The following ADRA2A variants were observed in gnomAD, a reference collection of about 807,000 sequenced individuals.
ADRA2A encodes the protein adrenoceptor alpha 2A.
In ADRA2A, 6 loss-of-function variants were observed where a neutral mutation model predicts 5.9. The ratio of observed to expected loss-of-function variants is 1.01; its 90% confidence interval spans 0.55 to 2.00. The LOEUF is 2.00. Among genes scored for constraint, ADRA2A ranks in the 30% most tolerant of loss-of-function variants. The pLI is 0.00. For missense variants in ADRA2A, 647 were observed against 690.0 expected, an observed-to-expected ratio of 0.94 and a Z score of 0.70; for synonymous variants, 345 against 325.9, an observed-to-expected ratio of 1.06 and a Z score of -0.63.
rs1390360815 is a variant in ADRA2A, at chr10:111,079,250, G to C, written c.1254G>C (p.Val418=). The C allele has an allele frequency of 6.2e-7, 1 of 1,614,142 alleles. No individual in the cohort carries two copies. Among genetic ancestry groups the C allele is most frequent in the Admixed American group, 1.7e-5 (1 of 60,032 alleles). Residue 418 remains valine, a synonymous_variant, in exon 1 of 1, where the codon GTG becomes GTC. Transcript: ENST00000280155. ...TYTLTAVGCS[V]PRTLFKFFFW... ...CGCTCACGGCCGTCGGGTGCTCCGT[G>C]CCACGCACGCTCTTCAAATTCTTCT...
chr10:111,080,408 CT>C lies in ADRA2A; in HGVS notation c.*1018del, dbSNP rs1589532712. The C allele has an allele frequency of 6.0e-6, 1 of 166,826 alleles. No homozygotes were observed. Among genetic ancestry groups the C allele is most frequent in the African/African-American group, 2.4e-5 (1 of 41,368 alleles). The allele number at this position is 166,826 out of a possible 1,614,324, so 10.3% of individuals were successfully genotyped here. A position where few individuals can be genotyped will look rare whatever the true frequency, so the allele number is the denominator to read the frequency against. On this transcript the variant is annotated 3_prime_UTR_variant, in exon 1 of 1. Coordinates refer to ENST00000280155, the MANE Select transcript of ADRA2A (RefSeq NM_000681.4). ...CCGAAAGTGCTGACTATGGGGAAAT[CT>C]TTTAGCTGCTGTTTTTAGACTCCAA... is the stretch of plus-strand genomic sequence containing the variant.
In ADRA2A at chr10:111,079,648, C is replaced by T; in HGVS notation, c.*254C>T. 1.7e-6 allele frequency: 1 copy of T among 596,916 alleles called. No homozygotes were observed. The allele number at this position is 596,916 out of a possible 1,614,324, so 37.0% of individuals were successfully genotyped here. On this transcript the variant is annotated 3_prime_UTR_variant, in exon 1 of 1. Transcript: ENST00000280155. ...GGAGCCATCTTCCTAGTGGGCCACC[C>T]CTAATCACTATTGCTTCCTAAAGGT...
chr10:111,079,517 G>A lies in ADRA2A; in HGVS notation c.*123G>A. ...CCTGCTCTGCGTTTCCTCGTCTGGG[G>A]TGGCTCTGCAGCCTCCTGCGGGCGG... is the stretch of plus-strand genomic sequence containing the variant. On this transcript the variant is annotated 3_prime_UTR_variant, in exon 1 of 1. Coordinates refer to ENST00000280155, the MANE Select transcript of ADRA2A (RefSeq NM_000681.4). 1.8e-6 allele frequency: 2 copies of A among 1,135,676 alleles called. No individual in the cohort carries two copies. The highest frequency in any genetic ancestry group is 2.5e-6 in the Non-Finnish European group (2 of 787,368). 70.3% of individuals were successfully genotyped at this position (1,135,676 alleles called of 1,614,324 possible). A position where few individuals can be genotyped will look rare whatever the true frequency, so the allele number is the denominator to read the frequency against.
In ADRA2A at chr10:111,078,674, C is replaced by A; in HGVS notation, c.678C>A (p.Ile226=). Residue 226 remains isoleucine (I), a synonymous_variant, in exon 1 of 1, where the codon ATC becomes ATA. Coordinates refer to ENST00000280155, the MANE Select transcript of ADRA2A (RefSeq NM_000681.4). Reference sequence around the variant, plus strand: ...GCTCCTTCTTCGCTCCCTGCCTCATCATGATCCTGGTCTACGTGCGCATCT... The same window carrying A: ...GCTCCTTCTTCGCTCCCTGCCTCATAATGATCCTGGTCTACGTGCGCATCT... ...CIGSFFAPCL[I]MILVYVRIYQ... The A allele has an allele frequency of 6.3e-6, 10 of 1,582,580 alleles. No homozygotes were observed. Among genetic ancestry groups the A allele is most frequent in the Non-Finnish European group, 7.7e-6 (9 of 1,163,370 alleles).
At position 111,077,399 on chromosome 10, in the gene ADRA2A, G is replaced by GC. The variant is rs1269699039; in HGVS notation, c.-594dup. On this transcript the variant is annotated 5_prime_UTR_variant, in exon 1 of 1. It removes the in-frame stop codon of an upstream open reading frame in the 5' UTR. Coordinates refer to ENST00000280155, the MANE Select transcript of ADRA2A (RefSeq NM_000681.4). ...CGCTCCGAGAGGCGGCAGAGTCCGC[G>GC]CCCCAGCCCCGGGCCGGGCCGGGCC... 6.6e-6 allele frequency: 1 copy of GC among 152,264 alleles called. No individual in the cohort carries two copies. Among genetic ancestry groups the GC allele is most frequent in the Non-Finnish European group, 1.5e-5 (1 of 68,132 alleles). 9.4% of individuals were successfully genotyped at this position (152,264 alleles called of 1,614,324 possible). A position where few individuals can be genotyped will look rare whatever the true frequency, so the allele number is the denominator to read the frequency against.
In ADRA2A at chr10:111,080,827, C is replaced by T. The variant is rs553360485; in HGVS notation, c.*1433C>T. ...ATGGAGTGGTCCTCTTGTCTGTTAT[C>T]TGAGTTTTCAAAAGCTTTAAGACTC... On this transcript the variant is annotated 3_prime_UTR_variant, in exon 1 of 1. Coordinates refer to ENST00000280155, the MANE Select transcript of ADRA2A (RefSeq NM_000681.4). 1 of 166,792 alleles carries T rather than the reference C, an allele frequency of 6.0e-6. No individual in the cohort carries two copies. Among genetic ancestry groups the T allele is most frequent in the Non-Finnish European group, 1.5e-5 (1 of 68,080 alleles). The allele number at this position is 166,792 out of a possible 1,614,324, so 10.3% of individuals were successfully genotyped here.
Position 111,079,211 on chromosome 10 carries a change from C to A in ADRA2A, c.1215C>A (p.Phe405Leu). 1.2e-6 allele frequency: 2 copies of A among 1,614,138 alleles called. No individual in the cohort carries two copies. The highest frequency in any genetic ancestry group is 1.7e-6 in the Non-Finnish European group (2 of 1,180,014). ...TGTTCGTGGTGTGCTGGTTCCCCTT[C>A]TTCTTCACCTACACGCTCACGGCCG... ...IGVFVVCWFPFFFTYTLTAVG... is the reference protein window; with the variant it reads ...IGVFVVCWFPLFFTYTLTAVG... Residue 405 changes from phenylalanine (F) to leucine (L), a missense_variant, in exon 1 of 1, where the codon TTC becomes TTA. This residue lies in a region of ADRA2A where 577 missense variants were observed against 605.4 expected (regional missense o/e 0.95). Transcript: ENST00000280155.
chr10:111,079,317 T>C lies in ADRA2A; in HGVS notation c.1321T>C (p.Tyr441His). The change falls in exon 1 of 1, where the codon TAC (tyrosine) becomes CAC (histidine). Residue 441 changes from tyrosine to histidine, a missense_variant. Physicochemically the swap from Tyr to His is moderately conservative, Grantham distance 83. This residue lies in a region of ADRA2A where 62 missense variants were observed against 59.8 expected (regional missense o/e 1.04). Coordinates refer to ENST00000280155, the MANE Select transcript of ADRA2A (RefSeq NM_000681.4). Reference protein sequence around the residue: ...YCNSSLNPVIYTIFNHDFRRA... With the variant: ...YCNSSLNPVIHTIFNHDFRRA... ...CAACAGCTCGTTGAACCCGGTCATC[T>C]ACACCATCTTCAACCACGATTTCCG... 1 of 1,614,112 alleles carries C rather than the reference T, an allele frequency of 6.2e-7. No individual in the cohort carries two copies. Among genetic ancestry groups the C allele is most frequent in the Non-Finnish European group, 8.5e-7 (1 of 1,180,034 alleles).
At position 111,079,289 on chromosome 10, in the gene ADRA2A, C is replaced by T. The variant is rs143027701; in HGVS notation, c.1293C>T (p.Tyr431=). The change falls in exon 1 of 1, where the codon TAC becomes TAT. Residue 431 remains tyrosine, a synonymous_variant. Coordinates refer to ENST00000280155, the MANE Select transcript of ADRA2A (RefSeq NM_000681.4). ...TCAAATTCTTCTTCTGGTTCGGCTA[C>T]TGCAACAGCTCGTTGAACCCGGTCA... ...TLFKFFFWFG[Y]CNSSLNPVIY... The T allele has an allele frequency of 2.9e-5, 46 of 1,613,966 alleles. 1 individual carries two copies. The African/African-American group carries it at 3.6e-4, about 13-fold the overall frequency.
At position 111,078,266 on chromosome 10, in the gene ADRA2A, G is replaced by C. The variant is rs1255741029; in HGVS notation, c.270G>C (p.Leu90=). 6.2e-7 allele frequency: 1 copy of C among 1,613,740 alleles called. No homozygotes were observed. Among genetic ancestry groups the C allele is most frequent in the Non-Finnish European group, 8.5e-7 (1 of 1,179,998 alleles). Residue 90 remains leucine, a synonymous_variant, in exon 1 of 1, where the codon CTG becomes CTC. Coordinates refer to ENST00000280155, the MANE Select transcript of ADRA2A (RefSeq NM_000681.4). ...CCCAAAACCTCTTCCTGGTGTCTCT[G>C]GCCTCGGCCGACATCCTGGTGGCCA... The part of the protein sequence containing the change: ...KAPQNLFLVS[L]ASADILVATL...
At position 111,078,098 on chromosome 10, in the gene ADRA2A, G is replaced by C; in HGVS notation, c.102G>C (p.Pro34=). The stretch of plus-strand genomic sequence containing the variant: ...CGAGCTGGAACGGGACCGAGGCGCC[G>C]GGGGGCGGCGCCCGGGCCACCCCTT... The part of the protein sequence containing the change: ...GNASWNGTEA[P]GGGARATPYS... The change falls in exon 1 of 1, where the codon CCG becomes CCC. Residue 34 remains proline (P), a synonymous_variant. Transcript: ENST00000280155. 2 of 1,566,442 alleles carry C rather than the reference G, an allele frequency of 1.3e-6. No individual in the cohort carries two copies. The highest frequency in any genetic ancestry group is 1.7e-6 in the Non-Finnish European group (2 of 1,161,264).
rs1455128961 is a variant in ADRA2A, at chr10:111,080,357, T to A, written c.*963T>A. The stretch of plus-strand genomic sequence containing the variant: ...GAAGAAGAATATGTATGTTTCTATC[T>A]TGTATGTCTGTGTGCCCCTCCTGCC... On this transcript the variant is annotated 3_prime_UTR_variant, in exon 1 of 1. Transcript: ENST00000280155. The A allele has an allele frequency of 6.0e-6, 1 of 166,848 alleles. No individual in the cohort carries two copies. 10.3% of individuals were successfully genotyped at this position (166,848 alleles called of 1,614,324 possible). A position where few individuals can be genotyped will look rare whatever the true frequency, so the allele number is the denominator to read the frequency against.
chr10:111,078,374 G>C lies in ADRA2A; in HGVS notation c.378G>C (p.Ala126=), dbSNP rs778256687. ...FGKAWCEIYL[A]LDVLFCTSSI... ...AGGCTTGGTGCGAGATCTACCTGGC[G>C]CTCGACGTGCTCTTCTGCACGTCGT... Residue 126 remains alanine, a synonymous_variant, in exon 1 of 1, where the codon GCG becomes GCC. Transcript: ENST00000280155. 6.2e-7 allele frequency: 1 copy of C among 1,613,868 alleles called. No individual in the cohort carries two copies.
In ADRA2A at chr10:111,078,159, G is replaced by T. The variant is rs1461868679; in HGVS notation, c.163G>T (p.Ala55Ser). 5 of 1,609,224 alleles carry T rather than the reference G, an allele frequency of 3.1e-6. No individual in the cohort carries two copies. The highest frequency in any genetic ancestry group is 4.2e-6 in the Non-Finnish European group (5 of 1,178,928). The change falls in exon 1 of 1, where the codon GCC (alanine) becomes TCC (serine). Residue 55 changes from alanine to serine, a missense_variant. By Grantham distance (99) the Ala-to-Ser change is moderately conservative. This residue lies in a region of ADRA2A where 577 missense variants were observed against 605.4 expected (regional missense o/e 0.95). Coordinates refer to ENST00000280155, the MANE Select transcript of ADRA2A (RefSeq NM_000681.4). ...GGTGACGCTGACGCTGGTGTGCCTG[G>T]CCGGCCTGCTCATGCTGCTCACCGT... ...LQVTLTLVCL[A>S]GLLMLLTVFG...
chr10:111,078,402 A>C lies in ADRA2A; in HGVS notation c.406A>C (p.Ile136Leu). The C allele has an allele frequency of 1.2e-6, 2 of 1,613,760 alleles. No homozygotes were observed. Among genetic ancestry groups the C allele is most frequent in the Non-Finnish European group, 1.7e-6 (2 of 1,179,930 alleles). ...ALDVLFCTSSIVHLCAISLDR... is the reference protein window; with the variant it reads ...ALDVLFCTSSLVHLCAISLDR... ...CGACGTGCTCTTCTGCACGTCGTCC[A>C]TCGTGCACCTGTGCGCCATCAGCCT... The change falls in exon 1 of 1, where the codon ATC (isoleucine) becomes CTC (leucine). Residue 136 changes from isoleucine (I) to leucine (L), a missense_variant. Ile to Leu is a conservative substitution (Grantham distance 5, BLOSUM62 2). This residue lies in a region of ADRA2A where 577 missense variants were observed against 605.4 expected (regional missense o/e 0.95). Transcript: ENST00000280155.
Position 111,079,128 on chromosome 10 carries a change from C to A in ADRA2A, c.1132C>A (p.Arg378Ser). 6.3e-7 allele frequency: 1 copy of A among 1,598,070 alleles called. No homozygotes were observed. Among genetic ancestry groups the A allele is most frequent in the East Asian group, 2.2e-5 (1 of 44,546 alleles). The change falls in exon 1 of 1, where the codon CGC (arginine) becomes AGC (serine). Residue 378 changes from arginine to serine, a missense_variant. Coordinates refer to ENST00000280155, the MANE Select transcript of ADRA2A (RefSeq NM_000681.4). Reference sequence around the variant, plus strand: ...CGGGGCTGCCAAGGCGTCGCGCTGGCGCGGGCGGCAGAACCGCGAGAAGCG... The same window carrying A: ...CGGGGCTGCCAAGGCGTCGCGCTGGAGCGGGCGGCAGAACCGCGAGAAGCG... Reference protein sequence around the residue: ...RVGAAKASRWRGRQNREKRFT... With the variant: ...RVGAAKASRWSGRQNREKRFT...
Position 111,078,097 on chromosome 10 carries a change from CG to C in ADRA2A, c.107del (p.Gly36AlafsTer12), listed in dbSNP as rs1554870245. The C allele has an allele frequency of 5.1e-6, 8 of 1,566,800 alleles. No individual in the cohort carries two copies. The highest frequency in any genetic ancestry group is 2.4e-5 in the East Asian group (1 of 42,488). ...GNASWNGTEAPGGGARATPYS... is the reference protein window; with the variant it reads ...GNASWNGTEAXGGGARATPYS... Reference sequence around the variant, plus strand: ...GCGAGCTGGAACGGGACCGAGGCGCCGGGGGGCGGCGCCCGGGCCACCCCTT... The same window carrying C: ...GCGAGCTGGAACGGGACCGAGGCGCCGGGGGCGGCGCCCGGGCCACCCCTT... On this transcript the variant is annotated frameshift_variant, in exon 1 of 1. Transcript: ENST00000280155. LOFTEE classifies it low-confidence loss of function (END_TRUNC).
chr10:111,079,548 T>G lies in ADRA2A; in HGVS notation c.*154T>G, dbSNP rs1310995942. On this transcript the variant is annotated 3_prime_UTR_variant, in exon 1 of 1. Transcript: ENST00000280155. ...CTGCAGCCTCCTGCGGGCGGGCGTC[T>G]GCTGCTCCTACAAGGGAAGCTTCTT... 4 of 766,184 alleles carry G rather than the reference T, an allele frequency of 5.2e-6. No individual in the cohort carries two copies. Among genetic ancestry groups the G allele is most frequent in the East Asian group, 5.4e-5 (2 of 37,278 alleles). 47.5% of individuals were successfully genotyped at this position (766,184 alleles called of 1,614,324 possible).
In ADRA2A at chr10:111,080,563, C is replaced by T. The variant is rs1843582793; in HGVS notation, c.*1169C>T. The T allele has an allele frequency of 6.0e-6, 1 of 167,032 alleles. No individual in the cohort carries two copies. Among genetic ancestry groups the T allele is most frequent in the African/African-American group, 2.4e-5 (1 of 41,440 alleles). 10.3% of individuals were successfully genotyped at this position (167,032 alleles called of 1,614,324 possible). A position where few individuals can be genotyped will look rare whatever the true frequency, so the allele number is the denominator to read the frequency against. On this transcript the variant is annotated 3_prime_UTR_variant, in exon 1 of 1. Transcript: ENST00000280155. ...GAGCTGTTAGGTATCAAAATGTTGT[C>T]CTTTCCCCCCTCCGTGCTTTTCTGG...
Sources: gnomAD v4.1 joint callset for allele counts on GRCh38, gnomAD v4.1.1 for gene constraint, gnomAD v4.1.1 regional missense constraint, MANE v1.5 for transcripts, NCBI Gene and HGNC (gene_info 2026-07-23, HGNC 2026-07-21) for gene names.